Variants in NCDN observed in about 807,000 individuals in gnomAD.
NCDN encodes neurochondrin.
In NCDN, 9 loss-of-function variants were observed where a neutral mutation model predicts 60.7. That is an observed-to-expected ratio of 0.15 (90% CI 0.09 to 0.26). The LOEUF (loss-of-function observed/expected upper bound fraction) is 0.26, where lower values mean the gene tolerates loss of function less well. Among genes scored for constraint, NCDN ranks in the 10% least tolerant of loss-of-function variants. The pLI is 1.00. For synonymous variants in NCDN, 409 were observed against 442.5 expected, an observed-to-expected ratio of 0.92 and a Z score of 0.95; for missense variants, 578 against 975.2, an observed-to-expected ratio of 0.59 and a Z score of 5.42.
chr1:35,561,310 C>A lies in NCDN; in HGVS notation c.1143+16C>A. The A allele has an allele frequency of 6.4e-7, 1 of 1,561,224 alleles. No individual in the cohort carries two copies. The highest frequency in any genetic ancestry group is 8.6e-7 in the Non-Finnish European group (1 of 1,157,780). On this transcript the variant is annotated intron_variant, in intron 3 of 6. Transcript: ENST00000373243. This position sits in a 1 kb window ranked among gnomAD's most constrained non-coding sequence, Gnocchi z 4.9. ...CCTGCTGCAGGTGAGGGTGCAGTGA[C>A]CCACAGAGGGGGCCCAGTATGGGGG...
In NCDN at chr1:35,557,815, T is replaced by TGAGCAGCGGCCCGAGGCTCCCG. The variant is rs1558709390; in HGVS notation, c.-370_-349dup. The TGAGCAGCGGCCCGAGGCTCCCG allele has an allele frequency of 5.7e-6, 3 of 526,512 alleles. No homozygotes were observed. The highest frequency in any genetic ancestry group is 4.5e-5 in the Admixed American group (2 of 44,368). 32.6% of individuals were successfully genotyped at this position (526,512 alleles called of 1,614,324 possible). A position where few individuals can be genotyped will look rare whatever the true frequency, so the allele number is the denominator to read the frequency against. On this transcript the variant is annotated 5_prime_UTR_variant, in exon 1 of 7. Transcript: ENST00000373243. ...GGAGCCAGGAGTGGGCAACGCGGCG[T>TGAGCAGCGGCCCGAGGCTCCCG]GAGCAGCGGCCCGAGGCTCCCGGAG...
chr1:35,563,135 A>T lies in NCDN; in HGVS notation c.1386-67A>T. 7.0e-7 allele frequency: 1 copy of T among 1,420,826 alleles called. No individual in the cohort carries two copies. The highest frequency in any genetic ancestry group is 9.5e-7 in the Non-Finnish European group (1 of 1,052,890). The allele number at this position is 1,420,826 out of a possible 1,614,324, so 88.0% of individuals were successfully genotyped here. ...CCATTTCTCTTAGGCAAGGTGCCCTAAAAAGGGAATCTATGTGCCTTCATC... is the reference window on the plus strand; with the variant it reads ...CCATTTCTCTTAGGCAAGGTGCCCTTAAAAGGGAATCTATGTGCCTTCATC... On this transcript the variant is annotated intron_variant, in intron 4 of 6. Transcript: ENST00000373243. This position sits in a 1 kb window ranked among gnomAD's most constrained non-coding sequence, Gnocchi z 6.6.
Position 35,563,521 on chromosome 1 carries a change from GC to G in NCDN, c.1610+98del. The G allele has an allele frequency of 7.2e-7, 1 of 1,384,976 alleles. No homozygotes were observed. 85.8% of individuals were successfully genotyped at this position (1,384,976 alleles called of 1,614,324 possible). A position where few individuals can be genotyped will look rare whatever the true frequency, so the allele number is the denominator to read the frequency against. On this transcript the variant is annotated intron_variant, in intron 5 of 6. Coordinates refer to ENST00000373243, the MANE Select transcript of NCDN (RefSeq NM_014284.3). This position sits in a 1 kb window ranked among gnomAD's most constrained non-coding sequence, Gnocchi z 6.6. ...CTCAGTCTCCTACTTTGCCCCCCAT[GC>G]CCATGGATTTGTTAGTGGTAGCATG...
chr1:35,560,122 C>G lies in NCDN; in HGVS notation c.175-204C>G, dbSNP rs569939016. Among the ~76,000 whole-genome samples, 1 of 152,154 alleles carries G rather than the reference C, an allele frequency of 6.6e-6. No individual in the cohort carries two copies. The highest frequency in any genetic ancestry group is 2.1e-4 in the South Asian group (1 of 4,832). On this transcript the variant is annotated intron_variant, in intron 2 of 6. Coordinates refer to ENST00000373243, the MANE Select transcript of NCDN (RefSeq NM_014284.3). The surrounding 1 kb of genome is among the most constrained non-coding windows in gnomAD (Gnocchi z 7.6). ...GGTTGAGGAAGACTAGACCTCACTT[C>G]CATGGGACAGTCACAGATGAGAGGG...
chr1:35,558,179 G>T lies in NCDN; in HGVS notation c.-12G>T, dbSNP rs780270207. On this transcript the variant is annotated 5_prime_UTR_variant, in exon 1 of 7. Coordinates refer to ENST00000373243, the MANE Select transcript of NCDN (RefSeq NM_014284.3). This position sits in a 1 kb window ranked among gnomAD's most constrained non-coding sequence, Gnocchi z 6.3. Reference sequence around the variant, plus strand: ...AGTGTGATCTCATCGCCGCCCTGTCGTGACTTCATCAATGTCGTGTTGTGA... The same window carrying T: ...AGTGTGATCTCATCGCCGCCCTGTCTTGACTTCATCAATGTCGTGTTGTGA... 1.2e-6 allele frequency: 2 copies of T among 1,613,858 alleles called. No individual in the cohort carries two copies. Among genetic ancestry groups the T allele is most frequent in the Admixed American group, 1.7e-5 (1 of 60,004 alleles).
Position 35,565,771 on chromosome 1 carries a change from CA to C in NCDN, c.*112del. 8.2e-7 allele frequency: 1 copy of C among 1,218,148 alleles called. No individual in the cohort carries two copies. Among genetic ancestry groups the C allele is most frequent in the Non-Finnish European group, 1.1e-6 (1 of 897,264 alleles). 75.5% of individuals were successfully genotyped at this position (1,218,148 alleles called of 1,614,324 possible). ...CCCCCCCCTCCCCAGACTTCCTCCC[CA>C]AAACACCCCAGCTTTCTGGCTTTTC... On this transcript the variant is annotated 3_prime_UTR_variant, in exon 7 of 7. Transcript: ENST00000373243. This position sits in a 1 kb window ranked among gnomAD's most constrained non-coding sequence, Gnocchi z 8.9.
At chr1:35,564,853 C>T (rs995588984) in intron 6 of NCDN, among the ~76,000 whole-genome samples, 29 of 152,070 alleles carry the variant, frequency 1.9e-4, no homozygotes, top group African/African-American at 6.8e-4. Context: ...GGTGCAACTC[C>T]CTTAACCTGT....
rs1293273074 is a variant in NCDN, at chr1:35,563,659, GT to G, written c.1611-105del. On this transcript the variant is annotated intron_variant, in intron 5 of 6. Coordinates refer to ENST00000373243, the MANE Select transcript of NCDN (RefSeq NM_014284.3). The surrounding 1 kb of genome is among the most constrained non-coding windows in gnomAD (Gnocchi z 6.6). ...CCAATCTCTGCCCCCCAGATGCTAT[GT>G]TTGGGGCCCAAAGTTAATCACCCTA... 3.6e-6 allele frequency: 5 copies of G among 1,395,384 alleles called. No individual in the cohort carries two copies. In the East Asian group the frequency reaches 9.2e-5, roughly 26 times the overall value. 86.4% of individuals were successfully genotyped at this position (1,395,384 alleles called of 1,614,324 possible). A position where few individuals can be genotyped will look rare whatever the true frequency, so the allele number is the denominator to read the frequency against.
rs1648774720 is a variant in NCDN at position 35,563,563 on chromosome 1, A to G, written c.1610+137A>G. On this transcript the variant is annotated intron_variant, in intron 5 of 6. Transcript: ENST00000373243. The surrounding 1 kb of genome is among the most constrained non-coding windows in gnomAD (Gnocchi z 6.6). The stretch of plus-strand genomic sequence containing the variant: ...TGGTAGCATGGGGGTCTCAGAGTAG[A>G]CATAGCCAGCCCCGCACAAGGATTC... The G allele has an allele frequency of 9.2e-7, 1 of 1,086,436 alleles. No individual in the cohort carries two copies. The highest frequency in any genetic ancestry group is 2.2e-5 in the Admixed American group (1 of 44,996). The allele number at this position is 1,086,436 out of a possible 1,614,324, so 67.3% of individuals were successfully genotyped here. A position where few individuals can be genotyped will look rare whatever the true frequency, so the allele number is the denominator to read the frequency against.
In NCDN at chr1:35,560,673, T is replaced by C; in HGVS notation, c.522T>C (p.Ala174=). Residue 174 remains alanine, a synonymous_variant, in exon 3 of 7, where the codon GCT becomes GCC. Coordinates refer to ENST00000373243, the MANE Select transcript of NCDN (RefSeq NM_014284.3). This position sits in a 1 kb window ranked among gnomAD's most constrained non-coding sequence, Gnocchi z 7.6. ...CCAGAGGGCCTCGGCACCTCATTGC[T>C]GGTGGCACCGTGTCTGCCCTATGCC... is the stretch of plus-strand genomic sequence containing the variant. ...GTPRGPRHLI[A]GGTVSALCQA... 1.2e-6 allele frequency: 2 copies of C among 1,613,228 alleles called. No homozygotes were observed. Among genetic ancestry groups the C allele is most frequent in the Non-Finnish European group, 1.7e-6 (2 of 1,180,036 alleles).
In NCDN at chr1:35,565,559, C is replaced by T; in HGVS notation, c.2086C>T (p.Arg696Trp). ...TCAGGGTGTCCTGGTGGAGCTGGCG[C>T]GGGCCAACCGGCTGTGCCGGGAGGC... is the stretch of plus-strand genomic sequence containing the variant. ...AYQGVLVELARANRLCREAMR... is the reference protein window; with the variant it reads ...AYQGVLVELAWANRLCREAMR... The change falls in exon 7 of 7, where the codon CGG (arginine) becomes TGG (tryptophan). Residue 696 changes from arginine to tryptophan, a missense_variant. Transcript: ENST00000373243. The surrounding 1 kb of genome is among the most constrained non-coding windows in gnomAD (Gnocchi z 8.9). The T allele has an allele frequency of 1.9e-6, 3 of 1,564,576 alleles. No homozygotes were observed. The highest frequency in any genetic ancestry group is 2.6e-6 in the Non-Finnish European group (3 of 1,157,012).
At position 35,563,704 on chromosome 1, in the gene NCDN, AG is replaced by A; in HGVS notation, c.1611-60del. 6.3e-7 allele frequency: 1 copy of A among 1,581,062 alleles called. No homozygotes were observed. The highest frequency in any genetic ancestry group is 1.4e-5 in the African/African-American group (1 of 73,858). On this transcript the variant is annotated intron_variant, in intron 5 of 6. Coordinates refer to ENST00000373243, the MANE Select transcript of NCDN (RefSeq NM_014284.3). The surrounding 1 kb of genome is among the most constrained non-coding windows in gnomAD (Gnocchi z 6.6). ...CACCCTACTGCCTAATTTCTTGCCA[AG>A]GGCTTGATTTGGCTGTACTAGACCC...
chr1:35,565,862 C>A lies in NCDN; in HGVS notation c.*199C>A. ...AACTGCGTTCCGCCCCTCAGGCCCC[C>A]ATGGGGGCAGGGATCGGCTTGGAAA... On this transcript the variant is annotated 3_prime_UTR_variant, in exon 7 of 7. Coordinates refer to ENST00000373243, the MANE Select transcript of NCDN (RefSeq NM_014284.3). This position sits in a 1 kb window ranked among gnomAD's most constrained non-coding sequence, Gnocchi z 8.9. 1.6e-6 allele frequency: 1 copy of A among 616,848 alleles called. No homozygotes were observed. Among genetic ancestry groups the A allele is most frequent in the Non-Finnish European group, 2.7e-6 (1 of 363,902 alleles). 38.2% of individuals were successfully genotyped at this position (616,848 alleles called of 1,614,324 possible). A position where few individuals can be genotyped will look rare whatever the true frequency, so the allele number is the denominator to read the frequency against.
Position 35,558,294 on chromosome 1 carries a change from CT to C in NCDN, c.33+75del. ...CAGCAGCCCTGCTTCGATTATCCGG[CT>C]TTTGGATTCTCCGTTGTCCTGGGAA... is the stretch of plus-strand genomic sequence containing the variant. On this transcript the variant is annotated intron_variant, in intron 1 of 6. Coordinates refer to ENST00000373243, the MANE Select transcript of NCDN (RefSeq NM_014284.3). The surrounding 1 kb of genome is among the most constrained non-coding windows in gnomAD (Gnocchi z 6.3). 6.2e-7 allele frequency: 1 copy of C among 1,604,502 alleles called. No homozygotes were observed. Among genetic ancestry groups the C allele is most frequent in the Admixed American group, 1.7e-5 (1 of 59,500 alleles).
At chr1:35,559,893 C>G (rs921781905) in intron 2 of NCDN, among the ~76,000 whole-genome samples, 1 of 151,962 alleles carries the variant, frequency 6.6e-6, no homozygotes, top group East Asian at 1.9e-4. Flanking sequence ...ACAGGCGGAG[C>G]GGCGAGACAC....
chr1:35,563,446 T>A lies in NCDN; in HGVS notation c.1610+20T>A, dbSNP rs1323723853. ...GATCAAGTGAGGGGCTCGGGAGAGG[T>A]GGGGGAGGAGGCCGGAGGAGGCAAA... On this transcript the variant is annotated intron_variant, in intron 5 of 6. Transcript: ENST00000373243. This position sits in a 1 kb window ranked among gnomAD's most constrained non-coding sequence, Gnocchi z 6.6. The A allele has an allele frequency of 6.2e-6, 10 of 1,605,972 alleles. No homozygotes were observed. The highest frequency in any genetic ancestry group is 8.5e-6 in the Non-Finnish European group (10 of 1,173,636).
At position 35,563,711 on chromosome 1, in the gene NCDN, G is replaced by C. The variant is rs560272645; in HGVS notation, c.1611-56G>C. On this transcript the variant is annotated intron_variant, in intron 5 of 6. Coordinates refer to ENST00000373243, the MANE Select transcript of NCDN (RefSeq NM_014284.3). This position sits in a 1 kb window ranked among gnomAD's most constrained non-coding sequence, Gnocchi z 6.6. Reference sequence around the variant, plus strand: ...CTGCCTAATTTCTTGCCAAGGGCTTGATTTGGCTGTACTAGACCCCCACCT... The same window carrying C: ...CTGCCTAATTTCTTGCCAAGGGCTTCATTTGGCTGTACTAGACCCCCACCT... 2.5e-6 allele frequency: 4 copies of C among 1,591,812 alleles called. No individual in the cohort carries two copies. Among genetic ancestry groups the C allele is most frequent in the African/African-American group, 2.7e-5 (2 of 74,306 alleles).
Position 35,558,069 on chromosome 1 carries a change from T to C in NCDN, c.-122T>C. Reference sequence around the variant, plus strand: ...TTTTCAATATATATCTTTTTTTTTTTTAATTTGCCCTGTCATCTTTGGGGG... The same window carrying C: ...TTTTCAATATATATCTTTTTTTTTTCTAATTTGCCCTGTCATCTTTGGGGG... On this transcript the variant is annotated 5_prime_UTR_variant, in exon 1 of 7. Coordinates refer to ENST00000373243, the MANE Select transcript of NCDN (RefSeq NM_014284.3). This position sits in a 1 kb window ranked among gnomAD's most constrained non-coding sequence, Gnocchi z 6.3. 1 of 1,384,406 alleles carries C rather than the reference T, an allele frequency of 7.2e-7. No individual in the cohort carries two copies. The allele number at this position is 1,384,406 out of a possible 1,614,324, so 85.8% of individuals were successfully genotyped here.
rs752785686 is a variant in NCDN, at chr1:35,565,693, C to T, written c.*30C>T. 4.6e-6 allele frequency: 7 copies of T among 1,517,104 alleles called. No homozygotes were observed. Among genetic ancestry groups the T allele is most frequent in the African/African-American group, 2.7e-5 (2 of 72,746 alleles). The allele number at this position is 1,517,104 out of a possible 1,614,324, so 94.0% of individuals were successfully genotyped here. A position where few individuals can be genotyped will look rare whatever the true frequency, so the allele number is the denominator to read the frequency against. ...TGTCCACCGGGGACAGACCCAGGGGCGGGCAGAGAGGGAAGGAGGGAGGAG... is the reference window on the plus strand; with the variant it reads ...TGTCCACCGGGGACAGACCCAGGGGTGGGCAGAGAGGGAAGGAGGGAGGAG... On this transcript the variant is annotated 3_prime_UTR_variant, in exon 7 of 7. Coordinates refer to ENST00000373243, the MANE Select transcript of NCDN (RefSeq NM_014284.3). The surrounding 1 kb of genome is among the most constrained non-coding windows in gnomAD (Gnocchi z 8.9).
Sources: gnomAD v4.1 joint callset for allele counts (sites outside exome capture counted in the v4.1 genomes callset) on GRCh38, gnomAD v4.1.1 for gene constraint, Gnocchi (gnomAD v3.1) non-coding constraint, MANE v1.5 for transcripts, NCBI Gene and HGNC (gene_info 2026-07-23, HGNC 2026-07-21) for gene names.